SRGAP1: variants seen among roughly 807,000 people sequenced by gnomAD.
SRGAP1 encodes SLIT-ROBO Rho GTPase-activating protein 1.
In SRGAP1, 43 loss-of-function variants were observed where a neutral mutation model predicts 121.9. That is an observed-to-expected ratio of 0.35 (90% CI 0.28 to 0.46). The LOEUF (loss-of-function observed/expected upper bound fraction) is 0.46. Among genes scored for constraint, SRGAP1 ranks in the 20% least tolerant of loss-of-function variants. The pLI is 1.00. For synonymous variants in SRGAP1, 447 were observed against 485.4 expected (o/e 0.92, Z 1.04); for missense variants, 1,102 against 1,350.9 (o/e 0.82, Z 2.89).
chr12:63,943,650 A>C (rs1291553493), intron 1 of SRGAP1, among the ~76,000 whole-genome samples: 4 of 152,182 alleles, frequency 2.6e-5, no homozygotes, highest in Admixed American at 1.3e-4. Context: ...AAGAGGAGTA[A>C]GTTTTTGAGG....
intron 1 of SRGAP1, among the ~76,000 whole-genome samples, chr12:63,927,875 T>G (rs1033832417): frequency 1.3e-5 from 2 of 152,108 alleles, no homozygotes; most frequent in African/African-American, 4.8e-5. Flanking sequence ...GTTTACTAAT[T>G]CCCTTATTGA....
At chr12:64,111,654 T>C in intron 16 of SRGAP1, 108 bp from the exon 17 acceptor site, 1 of 985,618 alleles carries the variant, frequency 1.0e-6, no homozygotes, top group Non-Finnish European at 1.4e-6. Context: ...CTGAGCCAAC[T>C]TAAAGTTGAA....
In SRGAP1 at chr12:64,142,359, C is replaced by A; in HGVS notation, c.2945C>A (p.Ala982Glu). 6.2e-7 allele frequency: 1 copy of A among 1,614,122 alleles called. No individual in the cohort carries two copies. Among genetic ancestry groups the A allele is most frequent in the South Asian group, 1.1e-5 (1 of 91,076 alleles). The change falls in exon 22 of 22, where the codon GCA becomes GAA. Residue 982 changes from alanine to glutamate, a missense_variant. Ala to Glu is a moderately radical substitution (Grantham distance 107). Around this residue, in one of 3 missense-constraint regions of SRGAP1, gnomAD observed 315 missense variants for 343.1 expected, o/e 0.92. Coordinates refer to ENST00000355086, the MANE Select transcript of SRGAP1 (RefSeq NM_020762.4). The part of the protein sequence containing the change: ...ELRELERQST[A>E]KHAPDVVLDT... ...CGAGAACTGGAGAGACAGAGCACAGCAAAGCATGCCCCTGATGTGGTGCTG... is the reference window on the plus strand; with the variant it reads ...CGAGAACTGGAGAGACAGAGCACAGAAAAGCATGCCCCTGATGTGGTGCTG...
intron 18 of SRGAP1, among the ~76,000 whole-genome samples, chr12:64,118,292 C>T (rs1299148136): frequency 1.3e-5 from 2 of 152,128 alleles, no homozygotes; most frequent in Admixed American, 1.3e-4. Flanking sequence ...GTTTTTGAGA[C>T]AGGGTCTCAC....
At chr12:64,053,730 T>C (rs909101841) in intron 6 of SRGAP1, among the ~76,000 whole-genome samples, 4 of 152,160 alleles carry the variant, frequency 2.6e-5, no homozygotes, top group African/African-American at 9.7e-5. Flanking sequence ...AGTTTAAATA[T>C]CAGTGATAAT....
At chr12:63,922,635 C>A (rs900661377) in intron 1 of SRGAP1, among the ~76,000 whole-genome samples, 3 of 152,212 alleles carry the variant, frequency 2.0e-5, no homozygotes, top group Admixed American at 6.5e-5. Flanking sequence ...TCCAGCCATA[C>A]CAAATTGCTT....
intron 1 of SRGAP1, among the ~76,000 whole-genome samples, chr12:63,858,397 C>G (rs903081523): frequency 6.6e-6 from 1 of 151,742 alleles, no homozygotes; most frequent in Non-Finnish European, 1.5e-5. Flanking sequence ...TTCCTGGACT[C>G]AGAGAATTCC....
intron 8 of SRGAP1, among the ~76,000 whole-genome samples, chr12:64,073,845 G>A (rs2035686618): frequency 6.8e-6 from 1 of 147,972 alleles, no homozygotes; most frequent in Non-Finnish European, 1.5e-5. Context: ...GATTCTTTTT[G>A]CGTTTTTTGG....
intron 3 of SRGAP1, among the ~76,000 whole-genome samples, chr12:63,991,176 A>G (rs2033548418): frequency 6.6e-6 from 1 of 152,210 alleles, no homozygotes; most frequent in East Asian, 1.9e-4. Flanking sequence ...CCACTCTCTC[A>G]GCTTTGTATT....
intron 4 of SRGAP1, among the ~76,000 whole-genome samples, chr12:64,038,038 G>A (rs1294240407): frequency 6.6e-6 from 1 of 152,164 alleles, no homozygotes; most frequent in Non-Finnish European, 1.5e-5. Flanking sequence ...CTCATCTGAA[G>A]CCAGGCTGTC....
chr12:64,025,488 A>G (rs2034633903), intron 4 of SRGAP1, among the ~76,000 whole-genome samples: 1 of 152,222 alleles, frequency 6.6e-6, no homozygotes. Flanking sequence ...AATTTGAAAC[A>G]TATATTTCTG....
intron 1 of SRGAP1, among the ~76,000 whole-genome samples, chr12:63,936,756 G>C (rs2031675872): frequency 6.6e-6 from 1 of 152,108 alleles, no homozygotes; most frequent in South Asian, 2.1e-4. Context: ...TTCTCTCACT[G>C]ATATATCAAT....
intron 1 of SRGAP1, among the ~76,000 whole-genome samples, chr12:63,898,214 G>T (rs1470977544): frequency 1.3e-5 from 2 of 152,204 alleles, no homozygotes; most frequent in Admixed American, 6.5e-5. Flanking sequence ...GATTTCCTGT[G>T]GTGGAAAGGA....
intron 4 of SRGAP1, chr12:64,038,555 C>T (rs989086399): frequency 2.6e-5 from 4 of 152,186 alleles, no homozygotes; most frequent in Admixed American, 1.3e-4. Context: ...TTTCTTAACA[C>T]GAAGCATTAA....
intron 18 of SRGAP1, among the ~76,000 whole-genome samples, chr12:64,119,671 T>C (rs2036573822): frequency 6.6e-6 from 1 of 151,958 alleles, no homozygotes. Context: ...CTAGTACTTC[T>C]TTAGCTATAT....
chr12:64,124,386 T>C (rs1012581010), intron 18 of SRGAP1, among the ~76,000 whole-genome samples: 2 of 152,254 alleles, frequency 1.3e-5, no homozygotes, highest in East Asian at 1.9e-4. Context: ...ATTTTTGAGA[T>C]AGGCAGGTTT....
chr12:64,150,652 TAAAAAC>T lies in SRGAP1; in HGVS notation c.*7986_*7991del, dbSNP rs1468578744. 9.2e-5 allele frequency: 7 copies of T among 76,356 alleles called. No individual in the cohort carries two copies. Among genetic ancestry groups the T allele is most frequent in the African/African-American group, 1.4e-4 (4 of 27,832 alleles). The allele number at this position is 76,356 out of a possible 1,614,324, so 4.7% of individuals were successfully genotyped here. ...TGGGCCTTTGATGGACTGCATCTAT[TAAAAAC>T]AAAAAGTGGTGTCTCATGCCTGTAA... On this transcript the variant is annotated 3_prime_UTR_variant, in exon 22 of 22. Coordinates refer to ENST00000355086, the MANE Select transcript of SRGAP1 (RefSeq NM_020762.4).
At chr12:64,035,149 T>G (rs1425757021) in intron 4 of SRGAP1, among the ~76,000 whole-genome samples, 3 of 152,016 alleles carry the variant, frequency 2.0e-5, no homozygotes, top group African/African-American at 7.2e-5. Context: ...GAGACATCCA[T>G]TGTAGGTGTA....
intron 3 of SRGAP1, among the ~76,000 whole-genome samples, chr12:64,002,727 A>G (rs974031315): frequency 2.0e-5 from 3 of 152,184 alleles, no homozygotes; most frequent in Non-Finnish European, 2.9e-5. Context: ...AGCACTGCAA[A>G]GGTGTTGGAA....
Sources: gnomAD v4.1 joint callset for allele counts (sites outside exome capture counted in the v4.1 genomes callset) on GRCh38, gnomAD v4.1.1 for gene constraint, gnomAD v4.1.1 regional missense constraint, MANE v1.5 for transcripts, NCBI Gene and HGNC (gene_info 2026-07-23, HGNC 2026-07-21) for gene names.